PACRG: variants seen among roughly 807,000 people sequenced by gnomAD.
PACRG encodes the protein parkin coregulated.
A neutral mutation model predicts 29.7 loss-of-function variants in PACRG; 29 were observed. The observed-to-expected ratio is 0.98, with a 90% confidence interval of 0.73 to 1.33. The LOEUF is 1.33. Ranked by LOEUF, PACRG falls within the 40% of genes most tolerant of loss-of-function variation. The pLI, the probability that PACRG is intolerant of heterozygous loss-of-function variation, is 0.00. For synonymous variants in PACRG, 116 were observed against 118.7 expected (o/e 0.98, Z 0.15); for missense variants, 279 against 316.2 (o/e 0.88, Z 0.89).
chr6:162,958,134 A>C (rs1384610927), intron 2 of PACRG, among the ~76,000 whole-genome samples: 16 of 152,210 alleles, frequency 1.1e-4, no homozygotes, highest in Non-Finnish European at 4.4e-5. Context: ...TACTAAAAAC[A>C]AAGAGCCATT....
At chr6:163,089,152 G>C in intron 3 of PACRG, 107 bp from the exon 4 acceptor site, 1 of 1,169,962 alleles carries the variant, frequency 8.5e-7, no homozygotes. Context: ...GTCCCCAGTA[G>C]AGCACAGTTT....
At chr6:163,285,471 G>A (rs1233937518) in intron 4 of PACRG, among the ~76,000 whole-genome samples, 1 of 152,124 alleles carries the variant, frequency 6.6e-6, no homozygotes, top group African/African-American at 2.4e-5. Context: ...ATCCCCATGA[G>A]GTCAAAGACC....
chr6:163,181,455 GA>G (rs1779657913), intron 4 of PACRG, among the ~76,000 whole-genome samples: 1 of 151,946 alleles, frequency 6.6e-6, no homozygotes, highest in Non-Finnish European at 1.5e-5. Context: ...CCCCGGAGAT[GA>G]ACACTGTGAA....
intron 2 of PACRG, among the ~76,000 whole-genome samples, chr6:162,829,969 A>G (rs1018921611): frequency 2.6e-5 from 4 of 152,200 alleles, no homozygotes; most frequent in African/African-American, 7.2e-5. Context: ...CCAATGTGGT[A>G]TAGAAAGTTA....
chr6:162,832,824 T>C (rs566248211), intron 2 of PACRG, among the ~76,000 whole-genome samples: 1 of 152,052 alleles, frequency 6.6e-6, no homozygotes, highest in African/African-American at 2.4e-5. Flanking sequence ...TTTTTTTTTT[T>C]TTCATTTTTT....
chr6:162,921,361 G>T (rs575685917), intron 2 of PACRG, among the ~76,000 whole-genome samples: 8 of 152,176 alleles, frequency 5.3e-5, no homozygotes, highest in Non-Finnish European at 1.2e-4. Context: ...TGTGGTCAGT[G>T]TAAGAAGGAA....
intron 2 of PACRG, among the ~76,000 whole-genome samples, chr6:162,906,436 T>C (rs1358609089): frequency 1.3e-5 from 2 of 152,234 alleles, no homozygotes; most frequent in African/African-American, 2.4e-5. Flanking sequence ...CAGTAGAGAA[T>C]AGTGCTTCCA....
intron 4 of PACRG, among the ~76,000 whole-genome samples, chr6:163,229,407 T>C: frequency 6.6e-6 from 1 of 151,740 alleles, no homozygotes. Flanking sequence ...CCAGTATTTG[T>C]GATCCCTTTC....
intron 4 of PACRG, among the ~76,000 whole-genome samples, chr6:163,233,361 CG>C (rs1221028887): frequency 1.3e-5 from 2 of 152,112 alleles, no homozygotes; most frequent in Non-Finnish European, 2.9e-5. Flanking sequence ...TGCAGGAGGC[CG>C]GAGGCTGCAG....
At chr6:163,301,669 C>A (rs555177819) in intron 4 of PACRG, among the ~76,000 whole-genome samples, 3 of 152,308 alleles carry the variant, frequency 2.0e-5, no homozygotes, top group African/African-American at 7.2e-5. Flanking sequence ...CCATGGCGTT[C>A]TGTGGGGCTA....
chr6:163,226,318 A>G (rs1459781860), intron 4 of PACRG, among the ~76,000 whole-genome samples: 1 of 152,226 alleles, frequency 6.6e-6, no homozygotes, highest in Non-Finnish European at 1.5e-5. Flanking sequence ...AATAATGTAT[A>G]TTTGAAAATT....
At chr6:163,268,617 AC>A (rs1394081601) in intron 4 of PACRG, among the ~76,000 whole-genome samples, 3 of 152,026 alleles carry the variant, frequency 2.0e-5, no homozygotes, top group Non-Finnish European at 4.4e-5. Flanking sequence ...CCAAATCCTT[AC>A]TTTTTTTTCC....
chr6:163,191,294 G>A (rs1370652414), intron 4 of PACRG, among the ~76,000 whole-genome samples: 4 of 151,904 alleles, frequency 2.6e-5, no homozygotes, highest in Non-Finnish European at 1.5e-5. Context: ...TTCCTTCCCA[G>A]GCTTCAGATG....
intron 2 of PACRG, among the ~76,000 whole-genome samples, chr6:162,955,652 G>A (rs531712549): frequency 1.4e-4 from 22 of 152,248 alleles, no homozygotes; most frequent in South Asian, 1.0e-3. Context: ...TAGAAATAGC[G>A]TATGATTTAT....
At chr6:163,309,773 G>T (rs1362331246) in intron 4 of PACRG, among the ~76,000 whole-genome samples, 1 of 152,180 alleles carries the variant, frequency 6.6e-6, no homozygotes. Context: ...CCGTGGACCT[G>T]ACAACTCTGC....
intron 4 of PACRG, among the ~76,000 whole-genome samples, chr6:163,295,735 C>T (rs1431090841): frequency 2.6e-5 from 4 of 152,184 alleles, no homozygotes; most frequent in African/African-American, 9.7e-5. Flanking sequence ...ATAGCAGCTG[C>T]TTTGCATATA....
rs757968389 is a variant in PACRG, at chr6:163,182,637, T to C, written c.613+93229T>C. On this transcript the variant is annotated intron_variant, in intron 4 of 4. Coordinates refer to ENST00000366888, the MANE Select transcript of PACRG (RefSeq NM_001080379.2). ...ATTAACAAAATTGAGAAAATGCGTA[T>C]TTAAACATTGACATCCTTATGAAAG... is the stretch of plus-strand genomic sequence containing the variant. The C allele has an allele frequency of 3.9e-5, 6 of 152,230 alleles. 1 individual carries two copies. The highest frequency in any genetic ancestry group is 2.4e-5 in the African/African-American group (1 of 41,468). The allele number at this position is 152,230 out of a possible 1,614,324, so 9.4% of individuals were successfully genotyped here.
chr6:163,146,665 G>C (rs1164170126), intron 4 of PACRG, among the ~76,000 whole-genome samples: 1 of 152,176 alleles, frequency 6.6e-6, no homozygotes, highest in Non-Finnish European at 1.5e-5. Flanking sequence ...ATAGTAATAT[G>C]AATGGTTTCT....
intron 4 of PACRG, among the ~76,000 whole-genome samples, chr6:163,135,592 T>TCCCG (rs1816902387): frequency 1.3e-5 from 2 of 152,374 alleles, no homozygotes; most frequent in Admixed American, 1.3e-4. Context: ...CTCTTTATTA[T>TCCCG]AAACAATGAT....
Sources: allele counts gnomAD v4.1 joint callset (sites outside exome capture counted in the v4.1 genomes callset), GRCh38; gene constraint gnomAD v4.1.1; transcripts MANE v1.5; gene names NCBI Gene and HGNC (gene_info 2026-07-23, HGNC 2026-07-21).